The following LRP1B variants were observed in gnomAD, a reference collection of about 807,000 sequenced individuals.
LRP1B encodes low-density lipoprotein receptor-related protein 1B.
A neutral mutation model predicts 556.6 loss-of-function variants in LRP1B; 217 were observed. The observed-to-expected ratio is 0.39, with a 90% CI of 0.35 to 0.44. The LOEUF (loss-of-function observed/expected upper bound fraction) is 0.44. Ranked by LOEUF, LRP1B falls within the 20% of genes least tolerant of loss-of-function variation. LRP1B has a pLI of 1.00. For synonymous variants in LRP1B, 2,047 were observed against 1,865.8 expected, an observed-to-expected ratio of 1.10 and a Z score of -2.50; for missense variants, 5,053 against 5,620.8, an observed-to-expected ratio of 0.90 and a Z score of 3.23.
At chr2:141,838,423 A>C (rs1317088606) in intron 1 of LRP1B, among the ~76,000 whole-genome samples, 1 of 152,158 alleles carries the variant, frequency 6.6e-6, no homozygotes, top group Non-Finnish European at 1.5e-5. Context: ...TCAGCTATTT[A>C]GTGACTGTTT....
chr2:140,836,911 T>C (rs919351365), intron 31 of LRP1B, among the ~76,000 whole-genome samples: 2 of 152,198 alleles, frequency 1.3e-5, no homozygotes, highest in African/African-American at 4.8e-5. Context: ...CCCCTTAGCA[T>C]GAGCAGCAAA....
intron 2 of LRP1B, among the ~76,000 whole-genome samples, chr2:141,652,735 A>G (rs1420460961): frequency 2.0e-5 from 3 of 152,228 alleles, no homozygotes; most frequent in Admixed American, 6.5e-5. Context: ...TTTTGAAATC[A>G]TAACATAGGC....
chr2:142,023,858 C>A (rs1198629722), intron 1 of LRP1B, among the ~76,000 whole-genome samples: 1 of 152,150 alleles, frequency 6.6e-6, no homozygotes, highest in African/African-American at 2.4e-5. Flanking sequence ...TGAAGCATTT[C>A]ATGTGGCTAT....
intron 2 of LRP1B, among the ~76,000 whole-genome samples, chr2:141,506,258 A>G (rs187393503): frequency 2.0e-5 from 3 of 152,142 alleles, no homozygotes; most frequent in African/African-American, 7.2e-5. Context: ...ATGGTCATTC[A>G]TCATTAGTTA....
chr2:140,733,508 C>T (rs1228538919), intron 35 of LRP1B, among the ~76,000 whole-genome samples: 1 of 152,100 alleles, frequency 6.6e-6, no homozygotes, highest in African/African-American at 2.4e-5. Flanking sequence ...AACTGGTGTA[C>T]TCACAAAATG....
At chr2:140,890,460 ATCT>A (rs1316352725) in intron 23 of LRP1B, among the ~76,000 whole-genome samples, 1 of 152,182 alleles carries the variant, frequency 6.6e-6, no homozygotes, top group Non-Finnish European at 1.5e-5. Flanking sequence ...TACATTGAGT[ATCT>A]TATTAAAACT....
intron 41 of LRP1B, among the ~76,000 whole-genome samples, chr2:140,631,443 A>G (rs1239037585): frequency 6.6e-6 from 1 of 152,228 alleles, no homozygotes; most frequent in Non-Finnish European, 1.5e-5. Flanking sequence ...ACAGTTGGGT[A>G]ATGTAAGCAC....
At chr2:141,075,776 A>T (rs927144058) in intron 7 of LRP1B, among the ~76,000 whole-genome samples, 1 of 152,196 alleles carries the variant, frequency 6.6e-6, no homozygotes, top group Admixed American at 6.5e-5. Flanking sequence ...AACCTGGTTC[A>T]CTGCTATGCT....
At position 140,436,501 on chromosome 2, in the gene LRP1B, T is replaced by C. The variant is rs866956652; in HGVS notation, c.10414+6003A>G. Among the ~76,000 whole-genome samples the C allele has an allele frequency of 9.2e-5, 14 of 152,258 alleles. No homozygotes were observed. The South Asian group carries it at 1.9e-3, about 20-fold the overall frequency. ...TTCCACAGAATGTCATTAACTGTTATTTTACAATTCATCTGGGATCAAATA... is the reference window on the plus strand; with the variant it reads ...TTCCACAGAATGTCATTAACTGTTACTTTACAATTCATCTGGGATCAAATA... On this transcript the variant is annotated intron_variant, in intron 66 of 90. Coordinates refer to ENST00000389484, the MANE Select transcript of LRP1B (RefSeq NM_018557.3).
intron 1 of LRP1B, among the ~76,000 whole-genome samples, chr2:141,875,697 T>TC (rs1287117915): frequency 1.1e-4 from 16 of 152,082 alleles, no homozygotes; most frequent in Non-Finnish European, 2.1e-4. Flanking sequence ...TAAGGTAAGT[T>TC]CCCCCACAAG....
At chr2:141,613,604 T>C (rs1350379421) in intron 2 of LRP1B, among the ~76,000 whole-genome samples, 3 of 152,184 alleles carry the variant, frequency 2.0e-5, no homozygotes, top group African/African-American at 4.8e-5. Flanking sequence ...CACTTTACAT[T>C]GGAGTCAATT....
At chr2:140,672,020 A>C (rs574534785) in intron 41 of LRP1B, among the ~76,000 whole-genome samples, 1 of 152,164 alleles carries the variant, frequency 6.6e-6, no homozygotes, top group Non-Finnish European at 1.5e-5. Context: ...TCATCATCTA[A>C]ATCAGCTATG....
intron 41 of LRP1B, among the ~76,000 whole-genome samples, chr2:140,604,027 A>G (rs939945789): frequency 2.0e-5 from 3 of 152,068 alleles, no homozygotes; most frequent in Admixed American, 6.6e-5. Context: ...CCAGAATAGG[A>G]CTTTGAATTA....
chr2:141,319,742 A>G (rs1687169953), intron 3 of LRP1B, among the ~76,000 whole-genome samples: 1 of 152,074 alleles, frequency 6.6e-6, no homozygotes, highest in African/African-American at 2.4e-5. Flanking sequence ...TGTGTATTGA[A>G]TCGCAAGTTG....
At chr2:141,178,453 C>A (rs1460547520) in intron 7 of LRP1B, among the ~76,000 whole-genome samples, 16 of 152,076 alleles carry the variant, frequency 1.1e-4, no homozygotes, top group Admixed American at 1.0e-3. Flanking sequence ...ATTCAGATAT[C>A]TTTGAGCCTT....
At chr2:141,285,080 T>C (rs1685654832) in intron 3 of LRP1B, among the ~76,000 whole-genome samples, 1 of 151,866 alleles carries the variant, frequency 6.6e-6, no homozygotes, top group African/African-American at 2.4e-5. Context: ...CAGAATTTCC[T>C]ATATAAACCC....
At chr2:140,784,421 C>CACACACACAA (rs1491135149) in intron 32 of LRP1B, among the ~76,000 whole-genome samples, 2 of 146,482 alleles carry the variant, frequency 1.4e-5, no homozygotes, top group Non-Finnish European at 3.0e-5. Context: ...CACACACACA[C>CACACACACAA]AAAAGGCTCA....
intron 47 of LRP1B, among the ~76,000 whole-genome samples, chr2:140,532,628 C>T (rs1326403539): frequency 6.6e-6 from 1 of 151,924 alleles, no homozygotes; most frequent in Non-Finnish European, 1.5e-5. Flanking sequence ...ATCTCTTGAC[C>T]TTGTGATATG....
intron 11 of LRP1B, among the ~76,000 whole-genome samples, chr2:141,040,185 A>G (rs1698656339): frequency 1.3e-5 from 2 of 152,084 alleles, no homozygotes; most frequent in Non-Finnish European, 2.9e-5. Flanking sequence ...AGAGTCTTAA[A>G]GCTTTTCTTC....
Sources: gnomAD v4.1 joint callset for allele counts (sites outside exome capture counted in the v4.1 genomes callset) on GRCh38, gnomAD v4.1.1 for gene constraint, MANE v1.5 for transcripts, NCBI Gene and HGNC (gene_info 2026-07-23, HGNC 2026-07-21) for gene names.